Variants in LRFN5 observed in about 807,000 individuals in gnomAD.
LRFN5 encodes leucine-rich repeat and fibronectin type-III domain-containing protein 5.
A neutral mutation model predicts 45.6 loss-of-function variants in LRFN5; 24 were observed. The ratio of observed to expected loss-of-function variants is 0.53; its 90% confidence interval spans 0.38 to 0.74. The LOEUF is 0.74. Ranked by LOEUF, LRFN5 falls within the 30% of genes least tolerant of loss-of-function variation. The probability of loss-of-function intolerance (pLI) is 0.00; values close to 1 mark genes in which losing one functional copy is unlikely to be tolerated. For missense variants in LRFN5, 776 were observed against 861.5 expected (o/e 0.90, Z 1.24); for synonymous variants, 340 against 313.8 (o/e 1.08, Z -0.88).
intron 1 of LRFN5, among the ~76,000 whole-genome samples, chr14:41,764,792 AATACATATATAT>A (rs1885809928): frequency 4.9e-5 from 2 of 40,910 alleles, no homozygotes; most frequent in Non-Finnish European, 8.9e-5. Flanking sequence ...ATGTGTGCAG[AATACATATATAT>A]GATTATATAT....
chr14:41,836,709 C>T (rs970756029), intron 2 of LRFN5, among the ~76,000 whole-genome samples: 23 of 152,098 alleles, frequency 1.5e-4, no homozygotes, highest in African/African-American at 5.1e-4. Flanking sequence ...GCTTATTCTG[C>T]GAGGCAGTTC....
intron 2 of LRFN5, among the ~76,000 whole-genome samples, chr14:41,798,933 T>A (rs1036216865): frequency 1.3e-5 from 2 of 152,050 alleles, no homozygotes; most frequent in Non-Finnish European, 2.9e-5. Context: ...TATGTTTTAA[T>A]CTTTCTGAGG....
intron 1 of LRFN5, among the ~76,000 whole-genome samples, chr14:41,661,571 G>A (rs1880654990): frequency 6.6e-6 from 1 of 152,080 alleles, no homozygotes. Context: ...TGGGCCCTAT[G>A]ACAGGCCCTA....
intron 2 of LRFN5, among the ~76,000 whole-genome samples, chr14:41,852,892 A>G (rs1423096329): frequency 1.3e-5 from 2 of 152,004 alleles, no homozygotes; most frequent in East Asian, 3.9e-4. Context: ...TTCCACCAAG[A>G]TGCTTCAAAT....
At chr14:41,796,018 A>G (rs141629172) in intron 2 of LRFN5, among the ~76,000 whole-genome samples, 60 of 152,174 alleles carry the variant, frequency 3.9e-4, no homozygotes, top group Middle Eastern at 3.4e-3. Flanking sequence ...TATTACAAAT[A>G]ATACATAATT....
chr14:41,665,729 T>C (rs1031848749), intron 1 of LRFN5, among the ~76,000 whole-genome samples: 2 of 152,006 alleles, frequency 1.3e-5, no homozygotes, highest in African/African-American at 4.8e-5. Context: ...TAAAACTCCA[T>C]ACGTAGAGGA....
intron 2 of LRFN5, among the ~76,000 whole-genome samples, chr14:41,767,238 A>G (rs1566660642): frequency 6.6e-6 from 1 of 150,836 alleles, no homozygotes; most frequent in East Asian, 2.0e-4. Context: ...CTCTATCCTT[A>G]TGGAATTTTC....
rs557168886 is a variant in LRFN5, at chr14:41,774,957, C to T, written c.-21+7928C>T. 2.0e-5 allele frequency among the ~76,000 whole-genome samples: 3 copies of T among 152,148 alleles called. No individual in the cohort carries two copies. The South Asian group carries it at 6.2e-4, about 32-fold the overall frequency. Reference sequence around the variant, plus strand: ...GATCTTACATGTATAACTAAACTTCCCTTTGGCCTCTTAGGAATAATGAAG... The same window carrying T: ...GATCTTACATGTATAACTAAACTTCTCTTTGGCCTCTTAGGAATAATGAAG... On this transcript the variant is annotated intron_variant, in intron 2 of 5. Transcript: ENST00000298119.
At chr14:41,818,944 C>T (rs1466380219) in intron 2 of LRFN5, among the ~76,000 whole-genome samples, 2 of 152,050 alleles carry the variant, frequency 1.3e-5, no homozygotes, top group African/African-American at 2.4e-5. Flanking sequence ...TCTGTATGTC[C>T]ATGAGCACAC....
chr14:41,631,663 C>T (rs1888539499), intron 1 of LRFN5, among the ~76,000 whole-genome samples: 1 of 152,022 alleles, frequency 6.6e-6, no homozygotes, highest in Non-Finnish European at 1.5e-5. Flanking sequence ...CATGTCATCT[C>T]AGATGAGAAG....
At chr14:41,611,160 T>C (rs527593520) in intron 1 of LRFN5, among the ~76,000 whole-genome samples, 1 of 152,340 alleles carries the variant, frequency 6.6e-6, no homozygotes, top group Admixed American at 6.5e-5. Flanking sequence ...GGATGCTGAA[T>C]GCTCAGAAAC....
At chr14:41,835,022 A>C (rs1250008021) in intron 2 of LRFN5, among the ~76,000 whole-genome samples, 4 of 152,100 alleles carry the variant, frequency 2.6e-5, no homozygotes, top group African/African-American at 7.2e-5. Context: ...AAAAAAAAAA[A>C]AACATGAAAT....
chr14:41,791,624 C>A (rs1886923749), intron 2 of LRFN5, among the ~76,000 whole-genome samples: 1 of 152,008 alleles, frequency 6.6e-6, no homozygotes, highest in Non-Finnish European at 1.5e-5. Flanking sequence ...TTGTCACAAT[C>A]ATGTCATTTT....
rs1399152961 is a variant in LRFN5, at chr14:41,675,149, T to C, written c.-197+66587T>C. ...CAGCCAGGCAGAGGGGCTCCTCACG[T>C]CCCAGACGATGGGCAGCCAGGCAGA... On this transcript the variant is annotated intron_variant, in intron 1 of 5. Transcript: ENST00000298119. Among the ~76,000 whole-genome samples the C allele has an allele frequency of 2.1e-5, 3 of 145,658 alleles. No homozygotes were observed. In the East Asian group the frequency reaches 6.4e-4, roughly 31 times the overall value.
At chr14:41,623,292 C>A (rs1278775894) in intron 1 of LRFN5, among the ~76,000 whole-genome samples, 3 of 152,120 alleles carry the variant, frequency 2.0e-5, no homozygotes, top group African/African-American at 7.2e-5. Context: ...CCCATACCTG[C>A]CACCTTGTGA....
chr14:41,761,492 A>G (rs1447321011), intron 1 of LRFN5, among the ~76,000 whole-genome samples: 2 of 152,184 alleles, frequency 1.3e-5, no homozygotes, highest in Non-Finnish European at 2.9e-5. Context: ...TGACCATACT[A>G]TCTGTCTGCT....
At chr14:41,846,996 T>C (rs555136227) in intron 2 of LRFN5, among the ~76,000 whole-genome samples, 1 of 152,278 alleles carries the variant, frequency 6.6e-6, no homozygotes, top group East Asian at 1.9e-4. Context: ...TAAAGTAACA[T>C]TCATAGATTC....
chr14:41,866,424 C>T (rs1278843587), intron 2 of LRFN5, among the ~76,000 whole-genome samples: 1 of 152,100 alleles, frequency 6.6e-6, no homozygotes. Flanking sequence ...TACACTGCCA[C>T]TATTAAATCC....
chr14:41,854,067 A>G (rs1439214858), intron 2 of LRFN5, among the ~76,000 whole-genome samples: 2 of 152,116 alleles, frequency 1.3e-5, no homozygotes, highest in East Asian at 3.8e-4. Context: ...TCTGGGTTGA[A>G]GAGGTTATTT....
Sources: allele counts gnomAD v4.1 joint callset (sites outside exome capture counted in the v4.1 genomes callset), GRCh38; gene constraint gnomAD v4.1.1; transcripts MANE v1.5; gene names NCBI Gene and HGNC (gene_info 2026-07-23, HGNC 2026-07-21).